PTGFRN: variants seen among roughly 807,000 people sequenced by gnomAD.
The protein encoded by PTGFRN is prostaglandin F2 receptor inhibitor.
PTGFRN carries 35 observed loss-of-function variants against 83.2 expected under a neutral mutation model. The observed-to-expected ratio is 0.42, with a 90% CI of 0.32 to 0.56. The LOEUF (loss-of-function observed/expected upper bound fraction) is 0.56. Among genes scored for constraint, PTGFRN ranks in the 20% least tolerant of loss-of-function variants. The pLI is 0.11. For synonymous variants in PTGFRN, 519 were observed against 498.6 expected (o/e 1.04, Z -0.55); for missense variants, 1,051 against 1,179.5 (o/e 0.89, Z 1.60).
chr1:116,951,540 A>G (rs1048014333), intron 4 of PTGFRN, among the ~76,000 whole-genome samples: 1 of 152,272 alleles, frequency 6.6e-6, no homozygotes, highest in Admixed American at 6.5e-5. Context: ...TTGTTAAAAT[A>G]TGTGCATAGG....
rs565926169 is a variant in PTGFRN, at chr1:116,984,570, T to C, written c.2168-110T>C. 1.2e-5 allele frequency: 12 copies of C among 991,668 alleles called. No homozygotes were observed. The Admixed American group carries it at 1.4e-4, about 11-fold the overall frequency. 61.4% of individuals were successfully genotyped at this position (991,668 alleles called of 1,614,324 possible). A position where few individuals can be genotyped will look rare whatever the true frequency, so the allele number is the denominator to read the frequency against. ...TGAGGATCCAGTGAGACCGAAGGCA[T>C]GTAGTGTTGTGCTTGCCATACGTAG... On this transcript the variant is annotated intron_variant, in intron 7 of 8. Coordinates refer to ENST00000393203, the MANE Select transcript of PTGFRN (RefSeq NM_020440.4).
chr1:116,965,358 G>A (rs1416380639), intron 5 of PTGFRN, among the ~76,000 whole-genome samples: 1 of 152,112 alleles, frequency 6.6e-6, no homozygotes, highest in African/African-American at 2.4e-5. Context: ...GAGTGCAGTG[G>A]CACCATCATA....
At chr1:116,979,019 A>G (rs1412116680) in intron 7 of PTGFRN, among the ~76,000 whole-genome samples, 1 of 152,242 alleles carries the variant, frequency 6.6e-6, no homozygotes, top group African/African-American at 2.4e-5. Flanking sequence ...AACTTCAGCA[A>G]AGTCTCAGGA....
intron 4 of PTGFRN, among the ~76,000 whole-genome samples, chr1:116,951,421 C>T (rs1157971263): frequency 6.6e-6 from 1 of 152,228 alleles, no homozygotes; most frequent in African/African-American, 2.4e-5. Context: ...CTTTTCCTGA[C>T]TGATGCTAAC....
chr1:116,963,287 C>T (rs1650725015), intron 5 of PTGFRN, among the ~76,000 whole-genome samples: 1 of 152,206 alleles, frequency 6.6e-6, no homozygotes, highest in African/African-American at 2.4e-5. Context: ...TACTGCATAC[C>T]ACCTTCTGTC....
At chr1:116,945,482 A>G (rs1650174451) in intron 3 of PTGFRN, among the ~76,000 whole-genome samples, 1 of 152,126 alleles carries the variant, frequency 6.6e-6, no homozygotes, top group Non-Finnish European at 1.5e-5. Flanking sequence ...CCTAAACTTT[A>G]TCGGGTTTGA....
chr1:116,984,276 T>C (rs1219530992), intron 7 of PTGFRN, among the ~76,000 whole-genome samples: 1 of 152,132 alleles, frequency 6.6e-6, no homozygotes. Flanking sequence ...TGGCTTTCTT[T>C]GGGAGAGAGA....
chr1:116,910,168 G>T lies in PTGFRN; in HGVS notation c.-36G>T. On this transcript the variant is annotated 5_prime_UTR_variant, in exon 1 of 9. Coordinates refer to ENST00000393203, the MANE Select transcript of PTGFRN (RefSeq NM_020440.4). The stretch of plus-strand genomic sequence containing the variant: ...AGGAGGAGGAGAGGCGGCGGGGAAG[G>T]AGGAGGAGGGGGAGAGTCGCTCCCG... 1 of 1,502,224 alleles carries T rather than the reference G, an allele frequency of 6.7e-7. No individual in the cohort carries two copies. The allele number at this position is 1,502,224 out of a possible 1,614,324, so 93.1% of individuals were successfully genotyped here.
intron 1 of PTGFRN, among the ~76,000 whole-genome samples, chr1:116,910,877 C>T (rs1284293692): frequency 1.3e-5 from 2 of 152,198 alleles, no homozygotes; most frequent in East Asian, 3.9e-4. Flanking sequence ...TTTCTTGAAG[C>T]TGCCTAGCTG....
At chr1:116,986,703 G>A (rs971496650) in intron 8 of PTGFRN, 98 bp from the exon 9 acceptor site, 10 of 1,221,962 alleles carry the variant, frequency 8.2e-6, no homozygotes, top group East Asian at 2.4e-5. Context: ...CTTATCTCTC[G>A]GGAGATCCTG....
Position 116,923,297 on chromosome 1 carries a change from CTA to C in PTGFRN, c.49+13047_49+13048del, listed in dbSNP as rs996688460. ...AAGTTATAACAGGGGCAGAAGATATCTATGTGTCCTTTTTACTATCTTTCTTA... is the reference window on the plus strand; with the variant it reads ...AAGTTATAACAGGGGCAGAAGATATCTGTGTCCTTTTTACTATCTTTCTTA... On this transcript the variant is annotated intron_variant, in intron 1 of 8. Coordinates refer to ENST00000393203, the MANE Select transcript of PTGFRN (RefSeq NM_020440.4). This position sits in a 1 kb window ranked among gnomAD's most constrained non-coding sequence, Gnocchi z 4.0. Among the ~76,000 whole-genome samples, 29 of 152,156 alleles carry C rather than the reference CTA, an allele frequency of 1.9e-4. No individual in the cohort carries two copies. The highest frequency in any genetic ancestry group is 6.5e-4 in the African/African-American group (27 of 41,432).
At chr1:116,984,629 T>G in intron 7 of PTGFRN, 51 bp from the exon 8 acceptor site, 1 of 1,561,992 alleles carries the variant, frequency 6.4e-7, no homozygotes, top group Non-Finnish European at 8.7e-7. Context: ...GCCATACATA[T>G]GACTTCTGCC....
intron 1 of PTGFRN, among the ~76,000 whole-genome samples, chr1:116,929,192 A>T (rs777728017): frequency 6.6e-6 from 1 of 152,160 alleles, no homozygotes; most frequent in Non-Finnish European, 1.5e-5. Context: ...TCTCTTCTTC[A>T]TTCCCCACAT....
At chr1:116,982,827 T>C (rs1570681818) in intron 7 of PTGFRN, among the ~76,000 whole-genome samples, 1 of 152,126 alleles carries the variant, frequency 6.6e-6, no homozygotes, top group Non-Finnish European at 1.5e-5. Flanking sequence ...GTTCATAACC[T>C]CCAGGTGGCG....
rs764686620 is a variant in PTGFRN, at chr1:116,961,702, T to G, written c.1639+34T>G. The G allele has an allele frequency of 6.4e-7, 1 of 1,572,502 alleles. No homozygotes were observed. Among genetic ancestry groups the G allele is most frequent in the African/African-American group, 1.4e-5 (1 of 73,510 alleles). ...TTTTTTCTTGTTATTCATTTTTGTT[T>G]TGTCTTTGCTTAAGTCGTGCCGCTG... is the stretch of plus-strand genomic sequence containing the variant. On this transcript the variant is annotated intron_variant, in intron 5 of 8. Transcript: ENST00000393203. This position sits in a 1 kb window ranked among gnomAD's most constrained non-coding sequence, Gnocchi z 5.4.
At chr1:116,932,623 T>TG (rs1305821949) in intron 1 of PTGFRN, among the ~76,000 whole-genome samples, 5 of 145,364 alleles carry the variant, frequency 3.4e-5, no homozygotes, top group African/African-American at 1.4e-4. Context: ...CAGTTTCTTC[T>TG]ATTCTCTCAT....
Position 116,944,917 on chromosome 1 carries a change from C to T in PTGFRN, c.657C>T (p.Asp219=). 6.2e-7 allele frequency: 1 copy of T among 1,612,578 alleles called. No individual in the cohort carries two copies. Residue 219 remains aspartate (D), a synonymous_variant, in exon 3 of 9, where the codon GAC becomes GAT. Coordinates refer to ENST00000393203, the MANE Select transcript of PTGFRN (RefSeq NM_020440.4). ...ACGAGCAGCGCTACCACAGTGGGGACGTGCGCCTCGACACCGTGGGCAGCG... is the reference window on the plus strand; with the variant it reads ...ACGAGCAGCGCTACCACAGTGGGGATGTGCGCCTCGACACCGTGGGCAGCG... The part of the protein sequence containing the change: ...LGYEQRYHSG[D]VRLDTVGSDA...
chr1:116,965,342 A>G (rs1428964163), intron 5 of PTGFRN, among the ~76,000 whole-genome samples: 1 of 152,116 alleles, frequency 6.6e-6, no homozygotes, highest in Non-Finnish European at 1.5e-5. Context: ...TCTCTCACCC[A>G]GGCTGGAGTG....
Position 116,985,000 on chromosome 1 carries a change from C to T in PTGFRN, c.2473+15C>T. 1 of 1,604,604 alleles carries T rather than the reference C, an allele frequency of 6.2e-7. No homozygotes were observed. The highest frequency in any genetic ancestry group is 1.7e-5 in the Admixed American group (1 of 59,570). ...GAAGATGGATGGTAAGAATGTCACC[C>T]AAATTTCTCAGTGTTTGGGAATGTC... On this transcript the variant is annotated intron_variant, in intron 8 of 8. Coordinates refer to ENST00000393203, the MANE Select transcript of PTGFRN (RefSeq NM_020440.4).
Sources: gnomAD v4.1 joint callset for allele counts (sites outside exome capture counted in the v4.1 genomes callset) on GRCh38, gnomAD v4.1.1 for gene constraint, Gnocchi (gnomAD v3.1) non-coding constraint, MANE v1.5 for transcripts, NCBI Gene and HGNC (gene_info 2026-07-23, HGNC 2026-07-21) for gene names.